The following MAPK8IP2 variants were observed in gnomAD, a reference collection of about 807,000 sequenced individuals.
MAPK8IP2 encodes mitogen-activated protein kinase 8 interacting protein 2, also known as C-Jun-amino-terminal kinase-interacting protein 2.
MAPK8IP2 carries 15 observed loss-of-function variants against 75.6 expected under a neutral mutation model. That is an observed-to-expected ratio of 0.20 (90% CI 0.13 to 0.31). The LOEUF (loss-of-function observed/expected upper bound fraction) is 0.31, where lower values mean the gene tolerates loss of function less well. Among genes scored for constraint, MAPK8IP2 ranks in the 10% least tolerant of loss-of-function variants. The pLI is 1.00. For missense variants in MAPK8IP2, 1,089 were observed against 1,211.2 expected, an observed-to-expected ratio of 0.90 and a Z score of 1.50; for synonymous variants, 632 against 554.5, an observed-to-expected ratio of 1.14 and a Z score of -1.96.
In MAPK8IP2 at chr22:50,605,032, A is replaced by G. The variant is rs1209079042; in HGVS notation, c.1733A>G (p.Asn578Ser). The change falls in exon 5 of 12, where the codon AAT becomes AGT. Residue 578 changes from asparagine (N) to serine (S), a missense_variant. By Grantham distance (46) the Asn-to-Ser change is conservative. This residue lies in a region of MAPK8IP2 where 960 missense variants were observed against 1,009.6 expected (regional missense o/e 0.95). Transcript: ENST00000329492. ...CTCACTTTCTCCAAGAAGTTCCTCA[A>G]TGTCTTCGTCAACAGCACATCTCGG... ...PDLTFSKKFL[N>S]VFVNSTSRSS... 7 of 1,612,342 alleles carry G rather than the reference A, an allele frequency of 4.3e-6. No individual in the cohort carries two copies. Among genetic ancestry groups the G allele is most frequent in the South Asian group, 2.2e-5 (2 of 91,086 alleles).
chr22:50,606,561 C>A, intron 8 of MAPK8IP2, 97 bp from the exon 9 acceptor site: 1 of 863,916 alleles, frequency 1.2e-6, no homozygotes. Context: ...TGTCCTCAAA[C>A]ATAAGCTAAA....
Position 50,603,324 on chromosome 22 carries a change from C to T in MAPK8IP2, c.273C>T (p.Asp91=), listed in dbSNP as rs1179118481. 1.6e-5 allele frequency: 25 copies of T among 1,559,560 alleles called. No homozygotes were observed. The highest frequency in any genetic ancestry group is 2.0e-5 in the Non-Finnish European group (23 of 1,154,850). ...TGATCGATGACAATGAAGAGGAGGACGATGAGGACGAGGAAGAGGAGGAGG... is the reference window on the plus strand; with the variant it reads ...TGATCGATGACAATGAAGAGGAGGATGATGAGGACGAGGAAGAGGAGGAGG... The part of the protein sequence containing the change: ...FEMIDDNEEE[D]DEDEEEEEEE... The change falls in exon 3 of 12, where the codon GAC becomes GAT. Residue 91 remains aspartate, a synonymous_variant. Transcript: ENST00000329492.
At chr22:50,609,118 G>A (rs2071102447) in intron 10 of MAPK8IP2, among the ~76,000 whole-genome samples, 1 of 152,176 alleles carries the variant, frequency 6.6e-6, no homozygotes, top group Admixed American at 6.5e-5. Flanking sequence ...CTTGCCACGA[G>A]GAGGCACGGA....
chr22:50,603,077 A>T lies in MAPK8IP2; in HGVS notation c.172-146A>T. On this transcript the variant is annotated intron_variant, in intron 2 of 11. Coordinates refer to ENST00000329492, the MANE Select transcript of MAPK8IP2 (RefSeq NM_012324.6). The stretch of plus-strand genomic sequence containing the variant: ...AATGTGTGTTAGGCAGATTTTGAAA[A>T]CATCGCCCTGTAGACAGAGGGGCAG... 2.6e-6 allele frequency: 4 copies of T among 1,524,548 alleles called. No individual in the cohort carries two copies. In the South Asian group the frequency reaches 5.1e-5, roughly 20 times the overall value. 94.4% of individuals were successfully genotyped at this position (1,524,548 alleles called of 1,614,324 possible).
Position 50,604,567 on chromosome 22 carries a change from C to G in MAPK8IP2, c.1268C>G (p.Ala423Gly), listed in dbSNP as rs573483960. 1 of 1,183,322 alleles carries G rather than the reference C, an allele frequency of 8.5e-7. No homozygotes were observed. Among genetic ancestry groups the G allele is most frequent in the East Asian group, 3.9e-5 (1 of 25,452 alleles). The allele number at this position is 1,183,322 out of a possible 1,614,324, so 73.3% of individuals were successfully genotyped here. A position where few individuals can be genotyped will look rare whatever the true frequency, so the allele number is the denominator to read the frequency against. Reference protein sequence around the residue: ...TLCAPPPPAPAAPRPGPAQPG... With the variant: ...TLCAPPPPAPGAPRPGPAQPG... ...TGCGCGCCGCCGCCGCCCGCGCCCG[C>G]CGCGCCTCGACCCGGCCCCGCGCAG... Residue 423 changes from alanine to glycine, a missense_variant, in exon 5 of 12, where the codon GCC becomes GGC. This residue lies in a region of MAPK8IP2 where 960 missense variants were observed against 1,009.6 expected (regional missense o/e 0.95). Coordinates refer to ENST00000329492, the MANE Select transcript of MAPK8IP2 (RefSeq NM_012324.6).
chr22:50,605,981 G>A (rs1187868338), intron 8 of MAPK8IP2, 47 bp downstream of exon 8: 6 of 1,423,848 alleles, frequency 4.2e-6, no homozygotes, highest in South Asian at 2.5e-5. Context: ...CCGCTTGGCG[G>A]CCACACCAGC....
Position 50,605,677 on chromosome 22 carries a change from G to T in MAPK8IP2, c.1957G>T (p.Gly653Cys). 6.2e-7 allele frequency: 1 copy of T among 1,612,508 alleles called. No homozygotes were observed. The change falls in exon 7 of 12, where the codon GGT becomes TGT. Residue 653 changes from glycine (G) to cysteine (C), a missense_variant. Transcript: ENST00000329492. ...CTTCAACATGCGCACGGGGGAGCGC[G>T]GTGTGTTTCCTGCCTTCTACGCCCA... Reference protein sequence around the residue: ...RGFNMRTGERGVFPAFYAHAV... With the variant: ...RGFNMRTGERCVFPAFYAHAV...
chr22:50,607,633 C>T lies in MAPK8IP2; in HGVS notation c.2303+642C>T, dbSNP rs2071073326. Among the ~76,000 whole-genome samples, 1 of 151,902 alleles carries T rather than the reference C, an allele frequency of 6.6e-6. No homozygotes were observed. Among genetic ancestry groups the T allele is most frequent in the Admixed American group, 6.6e-5 (1 of 15,248 alleles). On this transcript the variant is annotated intron_variant, in intron 10 of 11. Transcript: ENST00000329492. The surrounding 1 kb of genome is among the most constrained non-coding windows in gnomAD (Gnocchi z 5.6). ...CAGTACAGGCAGGACCTAGGTTGACCGGCTGTAGAGGGTGACCTGGAAGAG... is the reference window on the plus strand; with the variant it reads ...CAGTACAGGCAGGACCTAGGTTGACTGGCTGTAGAGGGTGACCTGGAAGAG...
intron 2 of MAPK8IP2, 58 bp downstream of exon 2, chr22:50,601,952 C>T: frequency 1.4e-6 from 2 of 1,435,188 alleles, no homozygotes; most frequent in Non-Finnish European, 2.0e-6. Context: ...TTAGGTTCTT[C>T]TTAGCGTTCA....
In MAPK8IP2 at chr22:50,604,979, G is replaced by A. The variant is rs933922163; in HGVS notation, c.1680G>A (p.Ser560=). The A allele has an allele frequency of 6.2e-7, 1 of 1,612,340 alleles. No individual in the cohort carries two copies. Among genetic ancestry groups the A allele is most frequent in the African/African-American group, 1.3e-5 (1 of 75,060 alleles). Residue 560 remains serine, a synonymous_variant, in exon 5 of 12, where the codon TCG becomes TCA. Coordinates refer to ENST00000329492, the MANE Select transcript of MAPK8IP2 (RefSeq NM_012324.6). ...CGCTGCTAGGCGGCGGTCAGGTCTC[G>A]GGGGACACCTCGCCGGACAGCCCTG... is the stretch of plus-strand genomic sequence containing the variant. ...GAALLGGGQV[S]GDTSPDSPDL...
In MAPK8IP2 at chr22:50,604,923, G is replaced by A. The variant is rs750135232; in HGVS notation, c.1624G>A (p.Gly542Arg). 3.7e-6 allele frequency: 6 copies of A among 1,607,860 alleles called. No homozygotes were observed. Among genetic ancestry groups the A allele is most frequent in the Non-Finnish European group, 5.1e-6 (6 of 1,177,582 alleles). The change falls in exon 5 of 12, where the codon GGG (glycine) becomes AGG (arginine). Residue 542 changes from glycine to arginine, a missense_variant. Physicochemically the swap from Gly to Arg is moderately radical, Grantham distance 125. Transcript: ENST00000329492. ...LGHDSEEDSG[G>R]EASEEEAGAA... is the part of the protein sequence containing the mutation. Reference sequence around the variant, plus strand: ...CCACGACAGCGAAGAGGACAGCGGCGGGGAGGCCAGCGAGGAGGAGGCGGG... The same window carrying A: ...CCACGACAGCGAAGAGGACAGCGGCAGGGAGGCCAGCGAGGAGGAGGCGGG...
At chr22:50,609,482 C>T (rs2146693902) in intron 10 of MAPK8IP2, among the ~76,000 whole-genome samples, 1 of 152,172 alleles carries the variant, frequency 6.6e-6, no homozygotes, top group East Asian at 1.9e-4. Context: ...GCCCTGTGCT[C>T]TGTCTGTGGA....
At chr22:50,605,515 A>G (rs1214464797) in intron 6 of MAPK8IP2, 47 bp from the exon 7 acceptor site, 1 of 1,526,712 alleles carries the variant, frequency 6.6e-7, no homozygotes, top group Non-Finnish European at 9.0e-7. Context: ...AGTGGACACG[A>G]CCGTCAATCC....
In MAPK8IP2 at chr22:50,610,947, A is replaced by G. The variant is rs1284326695; in HGVS notation, c.*168A>G. ...CTCTCGTCCTCGGTCCCCAGGGCGC[A>G]GCTGTTGGGGCTGCGGGGGAGTGGA... On this transcript the variant is annotated 3_prime_UTR_variant, in exon 12 of 12. Transcript: ENST00000329492. This position sits in a 1 kb window ranked among gnomAD's most constrained non-coding sequence, Gnocchi z 4.3. The G allele has an allele frequency of 3.4e-6, 2 of 594,622 alleles. No homozygotes were observed. The highest frequency in any genetic ancestry group is 5.9e-6 in the Non-Finnish European group (2 of 339,930). The allele number at this position is 594,622 out of a possible 1,614,324, so 36.8% of individuals were successfully genotyped here.
In MAPK8IP2 at chr22:50,603,328, G is replaced by A. The variant is rs1466245671; in HGVS notation, c.277G>A (p.Glu93Lys). 2.1e-5 allele frequency: 32 copies of A among 1,559,704 alleles called. No homozygotes were observed. The highest frequency in any genetic ancestry group is 2.7e-5 in the African/African-American group (2 of 73,634). The change falls in exon 3 of 12, where the codon GAG becomes AAG. Residue 93 changes from glutamate (E) to lysine (K), a missense_variant. Glu to Lys is a moderately conservative substitution (Grantham distance 56). Around this residue, in one of 2 missense-constraint regions of MAPK8IP2, gnomAD observed 960 missense variants for 1,009.6 expected, o/e 0.95. Coordinates refer to ENST00000329492, the MANE Select transcript of MAPK8IP2 (RefSeq NM_012324.6). Reference sequence around the variant, plus strand: ...CGATGACAATGAAGAGGAGGACGATGAGGACGAGGAAGAGGAGGAGGAGGA... The same window carrying A: ...CGATGACAATGAAGAGGAGGACGATAAGGACGAGGAAGAGGAGGAGGAGGA... ...MIDDNEEEDD[E>K]DEEEEEEEEE...
intron 10 of MAPK8IP2, among the ~76,000 whole-genome samples, chr22:50,609,142 G>A (rs1418898658): frequency 6.6e-6 from 1 of 152,192 alleles, no homozygotes; most frequent in African/African-American, 2.4e-5. Flanking sequence ...AACCGTGTGA[G>A]GTGAACGATG....
intron 10 of MAPK8IP2, among the ~76,000 whole-genome samples, chr22:50,608,707 G>A (rs917578961): frequency 7.0e-6 from 1 of 142,762 alleles, no homozygotes; most frequent in African/African-American, 2.6e-5. Flanking sequence ...GGGTGGAGAG[G>A]TGGGACAGTG....
chr22:50,603,267 C>G lies in MAPK8IP2; in HGVS notation c.216C>G (p.Cys72Trp). 6.3e-7 allele frequency: 1 copy of G among 1,599,366 alleles called. No individual in the cohort carries two copies. The highest frequency in any genetic ancestry group is 1.1e-5 in the South Asian group (1 of 89,266). The change falls in exon 3 of 12, where the codon TGC becomes TGG. Residue 72 changes from cysteine (C) to tryptophan (W), a missense_variant. Physicochemically the swap from Cys to Trp is radical, Grantham distance 215. Transcript: ENST00000329492. The part of the protein sequence containing the change: ...LGRSEQPHPI[C>W]SFQDDFQEFE... ...GCTCGGAGCAGCCGCACCCCATCTG[C>G]TCCTTCCAGGATGACTTCCAGGAGT...
At chr22:50,606,048 G>C in intron 8 of MAPK8IP2, 114 bp downstream of exon 8, 1 of 885,732 alleles carries the variant, frequency 1.1e-6, no homozygotes, top group Non-Finnish European at 1.7e-6. Context: ...TTTCCTCCAG[G>C]GAGGGTCTGG....
Sources: allele counts gnomAD v4.1 joint callset (sites outside exome capture counted in the v4.1 genomes callset), GRCh38; gene constraint gnomAD v4.1.1; regional missense constraint gnomAD v4.1.1; non-coding constraint Gnocchi (gnomAD v3.1); transcripts MANE v1.5; gene names NCBI Gene and HGNC (gene_info 2026-07-23, HGNC 2026-07-21).